Variants in SLC25A21 observed in about 807,000 individuals in gnomAD.
SLC25A21 encodes the protein solute carrier family 25 member 21, also known as mitochondrial 2-oxodicarboxylate carrier.
In SLC25A21, 47 loss-of-function variants were observed where a neutral mutation model predicts 43.8. The observed-to-expected ratio is 1.07, with a 90% CI of 0.85 to 1.37. SLC25A21 has a LOEUF of 1.37. Ranked by LOEUF, SLC25A21 falls within the 40% of genes most tolerant of loss-of-function variation. The pLI, the probability that SLC25A21 is intolerant of heterozygous loss-of-function variation, is 0.00. For missense variants in SLC25A21, 352 were observed against 350.2 expected, an observed-to-expected ratio of 1.00 and a Z score of -0.04; for synonymous variants, 131 against 121.3, an observed-to-expected ratio of 1.08 and a Z score of -0.52.
intron 1 of SLC25A21, among the ~76,000 whole-genome samples, chr14:36,938,190 T>C (rs746003205): frequency 5.9e-5 from 9 of 152,126 alleles, no homozygotes; most frequent in Non-Finnish European, 1.2e-4. Context: ...GAATCCTTTC[T>C]TACTTCATCT....
chr14:37,053,550 T>C (rs891215321), intron 1 of SLC25A21, among the ~76,000 whole-genome samples: 4 of 152,178 alleles, frequency 2.6e-5, no homozygotes, highest in Non-Finnish European at 5.9e-5. Context: ...AGAAAACATA[T>C]ACAAAAATAA....
At chr14:37,063,334 T>C (rs1302924315) in intron 1 of SLC25A21, among the ~76,000 whole-genome samples, 1 of 151,994 alleles carries the variant, frequency 6.6e-6, no homozygotes, top group Non-Finnish European at 1.5e-5. Context: ...ACCCCGTCTC[T>C]ACTAAAAATA....
intron 1 of SLC25A21, among the ~76,000 whole-genome samples, chr14:37,155,541 A>C (rs527255479): frequency 1.3e-5 from 2 of 152,326 alleles, no homozygotes; most frequent in Non-Finnish European, 2.9e-5. Flanking sequence ...ATAACAAGAG[A>C]AAATCATCTA....
chr14:37,147,415 C>A (rs1963684017), intron 1 of SLC25A21, among the ~76,000 whole-genome samples: 1 of 152,044 alleles, frequency 6.6e-6, no homozygotes, highest in Non-Finnish European at 1.5e-5. Context: ...TCACCCTTTC[C>A]TTCTTGGCTG....
At chr14:36,921,081 T>G (rs1891967961) in intron 1 of SLC25A21, among the ~76,000 whole-genome samples, 1 of 152,092 alleles carries the variant, frequency 6.6e-6, no homozygotes, top group Admixed American at 6.6e-5. Flanking sequence ...ATAAAACAAC[T>G]TATGGATTTT....
At chr14:37,010,648 C>A (rs1270038314) in intron 1 of SLC25A21, among the ~76,000 whole-genome samples, 4 of 151,976 alleles carry the variant, frequency 2.6e-5, no homozygotes, top group Non-Finnish European at 4.4e-5. Flanking sequence ...GCCTTCCAGA[C>A]AGAACCTAAA....
At chr14:37,153,776 T>C (rs1963799916) in intron 1 of SLC25A21, among the ~76,000 whole-genome samples, 1 of 152,094 alleles carries the variant, frequency 6.6e-6, no homozygotes, top group Non-Finnish European at 1.5e-5. Flanking sequence ...CGAGCCTAGC[T>C]TCGCTCCTTC....
At position 37,172,389 on chromosome 14, in the gene SLC25A21, C is replaced by T. The variant is rs201118636; in HGVS notation, c.-39G>A. ...GAGGACAAGGGAGTGGGCTGAGATG[C>T]GTCAACGAGCTCGCAGCCTGCACAG... On this transcript the variant is annotated 5_prime_UTR_variant, in exon 1 of 10. Transcript: ENST00000331299. The T allele has an allele frequency of 4.1e-4, 637 of 1,559,920 alleles. 1 individual carries two copies. Among genetic ancestry groups the T allele is most frequent in the Middle Eastern group, 2.5e-3 (15 of 5,986 alleles).
chr14:36,775,575 C>T (rs1355490258), intron 3 of SLC25A21, among the ~76,000 whole-genome samples: 1 of 152,118 alleles, frequency 6.6e-6, no homozygotes, highest in African/African-American at 2.4e-5. Context: ...GCATAGACAT[C>T]AAGAGCAAGA....
rs192974528 is a variant in SLC25A21, at chr14:36,719,359, G to C, written c.438+6211C>G. On this transcript the variant is annotated intron_variant, in intron 6 of 9. Transcript: ENST00000331299. ...ACCATCTCCAATAGGGAAATCCTTG[G>C]GCAAGCTTAGTCCCAAGCCAAAGAG... is the stretch of plus-strand genomic sequence containing the variant. 1.6e-3 allele frequency among the ~76,000 whole-genome samples: 246 copies of C among 152,282 alleles called. 3 individuals carry two copies. Among genetic ancestry groups the C allele is most frequent in the Middle Eastern group, 6.8e-3 (2 of 294 alleles).
chr14:36,882,392 A>G (rs1890759396), intron 1 of SLC25A21, among the ~76,000 whole-genome samples: 1 of 152,110 alleles, frequency 6.6e-6, no homozygotes, highest in Non-Finnish European at 1.5e-5. Flanking sequence ...CAAAAAATAA[A>G]AAATAACATT....
chr14:37,157,130 G>A (rs1481524779), intron 1 of SLC25A21, among the ~76,000 whole-genome samples: 1 of 152,182 alleles, frequency 6.6e-6, no homozygotes, highest in Non-Finnish European at 1.5e-5. Flanking sequence ...GCCAAGGCAG[G>A]TGGATTGCTT....
chr14:36,873,559 G>T (rs2138553515), intron 2 of SLC25A21, among the ~76,000 whole-genome samples: 1 of 152,256 alleles, frequency 6.6e-6, no homozygotes, highest in East Asian at 1.9e-4. Flanking sequence ...GCCTCCCAAA[G>T]TGCTAGGATT....
At chr14:36,710,163 T>G (rs59814974) in intron 7 of SLC25A21, among the ~76,000 whole-genome samples, 5,678 of 151,918 alleles carry the variant, frequency 0.037, 355 homozygotes, top group African/African-American at 0.13. Context: ...GGCGGGTGGG[T>G]TGCCTGAGGT....
chr14:37,007,057 A>C (rs1296890848), intron 1 of SLC25A21, among the ~76,000 whole-genome samples: 1 of 152,218 alleles, frequency 6.6e-6, no homozygotes. Context: ...AAGACACCAT[A>C]GGGTGATTAA....
chr14:36,939,460 T>C (rs1025785101), intron 1 of SLC25A21, among the ~76,000 whole-genome samples: 1 of 152,096 alleles, frequency 6.6e-6, no homozygotes, highest in Non-Finnish European at 1.5e-5. Flanking sequence ...AAACATGATT[T>C]ATGTCCCCTT....
chr14:36,944,170 G>A (rs1892630034), intron 1 of SLC25A21, among the ~76,000 whole-genome samples: 1 of 152,154 alleles, frequency 6.6e-6, no homozygotes, highest in African/African-American at 2.4e-5. Flanking sequence ...CCTCTGGCCA[G>A]TTGTCAAGGT....
chr14:36,819,958 T>C (rs1334246517), intron 2 of SLC25A21, among the ~76,000 whole-genome samples: 2 of 152,138 alleles, frequency 1.3e-5, no homozygotes, highest in African/African-American at 4.8e-5. Flanking sequence ...AAGGGTTGGA[T>C]TGGGGTAGAT....
At chr14:37,172,251 C>T (rs950222095) in intron 1 of SLC25A21, 30 bp downstream of exon 1, 50 of 1,566,970 alleles carry the variant, frequency 3.2e-5, no homozygotes, top group Non-Finnish European at 4.2e-5. Context: ...AGCGACTAGC[C>T]TCCGGCGGGG....
Sources: gnomAD v4.1 joint callset for allele counts (sites outside exome capture counted in the v4.1 genomes callset) on GRCh38, gnomAD v4.1.1 for gene constraint, MANE v1.5 for transcripts, NCBI Gene and HGNC (gene_info 2026-07-23, HGNC 2026-07-21) for gene names.